UBTD1: variants seen among roughly 807,000 people sequenced by gnomAD.
UBTD1 encodes the protein ubiquitin domain-containing protein 1.
Under a neutral mutation model 21.7 loss-of-function variants are expected in UBTD1, and 19 were observed. That is an observed-to-expected ratio of 0.87 (90% CI 0.61 to 1.28). UBTD1 has a LOEUF of 1.28. Among genes scored for constraint, UBTD1 ranks in the 50% most tolerant of loss-of-function variants. UBTD1 has a pLI of 0.00. For missense variants in UBTD1, 282 were observed against 315.1 expected, an observed-to-expected ratio of 0.89 and a Z score of 0.80; for synonymous variants, 116 against 135.1, an observed-to-expected ratio of 0.86 and a Z score of 0.98.
At chr10:97,517,818 A>C (rs377607046) in intron 1 of UBTD1, among the ~76,000 whole-genome samples, 79 of 152,246 alleles carry the variant, frequency 5.2e-4, no homozygotes, top group African/African-American at 1.1e-3. Context: ...GACCAACTGC[A>C]TAGGCCTAGG....
At chr10:97,516,680 CAGG>C (rs1434293439) in intron 1 of UBTD1, among the ~76,000 whole-genome samples, 1 of 151,972 alleles carries the variant, frequency 6.6e-6, no homozygotes, top group Non-Finnish European at 1.5e-5. Context: ...GAGGCTGAAG[CAGG>C]AGAATGGCCT....
Position 97,567,949 on chromosome 10 carries a change from T to A in UBTD1, c.106T>A (p.Trp36Arg). The A allele has an allele frequency of 6.2e-7, 1 of 1,614,120 alleles. No homozygotes were observed. The highest frequency in any genetic ancestry group is 1.3e-5 in the African/African-American group (1 of 75,046). ...GCCCCTGAAGAAAGAGCGGCTTAAG[T>A]GGAAGAGCGACTACCCCATGACTGA... Reference protein sequence around the residue: ...NEPLKKERLKWKSDYPMTDGQ... With the variant: ...NEPLKKERLKRKSDYPMTDGQ... Residue 36 changes from tryptophan (W) to arginine (R), a missense_variant, in exon 2 of 3, where the codon TGG becomes AGG. Physicochemically the swap from Trp to Arg is moderately radical, Grantham distance 101 (BLOSUM62 -3). Coordinates refer to ENST00000370664, the MANE Select transcript of UBTD1 (RefSeq NM_024954.5).
intron 1 of UBTD1, among the ~76,000 whole-genome samples, chr10:97,553,999 G>A (rs1049398840): frequency 1.3e-5 from 2 of 152,214 alleles, no homozygotes; most frequent in Non-Finnish European, 2.9e-5. Context: ...TACTCTGGGG[G>A]AGCTTGAGAG....
intron 1 of UBTD1, among the ~76,000 whole-genome samples, chr10:97,553,912 T>G (rs2040652224): frequency 6.6e-6 from 1 of 152,136 alleles, no homozygotes; most frequent in African/African-American, 2.4e-5. Context: ...ACAGTAACTG[T>G]CAGTGGGAGA....
chr10:97,525,182 G>A (rs923436232), intron 1 of UBTD1, among the ~76,000 whole-genome samples: 2 of 152,248 alleles, frequency 1.3e-5, no homozygotes, highest in Non-Finnish European at 2.9e-5. Context: ...TAGGGGACCA[G>A]AAGCCAAAGA....
intron 1 of UBTD1, among the ~76,000 whole-genome samples, chr10:97,509,415 T>TGCCCACAAACAGCACGGC (rs1252809956): frequency 6.6e-6 from 1 of 152,204 alleles, no homozygotes; most frequent in Non-Finnish European, 1.5e-5. Flanking sequence ...ATCAGCACAG[T>TGCCCACAAACAGCACGGC]GCCCACACAC....
rs2040740806 is a variant in UBTD1 at position 97,570,412 on chromosome 10, G to A, written c.573G>A (p.Trp191Ter). Reference sequence around the variant, plus strand: ...GCATCGAGCCATCGTGGCAGCGGTGGTTCTTCTCCGGGAAGCTGCTCACAG... The same window carrying A: ...GCATCGAGCCATCGTGGCAGCGGTGATTCTTCTCCGGGAAGCTGCTCACAG... ...QEGIEPSWQR[W>*]FFSGKLLTDR... Residue 191 changes from tryptophan (W) to a stop codon, truncating the protein, a stop_gained, in exon 3 of 3, where the codon TGG becomes TGA. Transcript: ENST00000370664. LOFTEE classifies it high-confidence loss of function. This position sits in a 1 kb window ranked among gnomAD's most constrained non-coding sequence, Gnocchi z 6.6. 1 of 1,613,416 alleles carries A rather than the reference G, an allele frequency of 6.2e-7. No individual in the cohort carries two copies. The highest frequency in any genetic ancestry group is 8.5e-7 in the Non-Finnish European group (1 of 1,180,022).
chr10:97,537,973 G>C (rs1350301571), intron 1 of UBTD1, among the ~76,000 whole-genome samples: 1 of 151,870 alleles, frequency 6.6e-6, no homozygotes, highest in Admixed American at 6.6e-5. Context: ...CTACAGGTGT[G>C]TGCCACCACA....
In UBTD1 at chr10:97,529,354, GA is replaced by G. The variant is rs1431016211; in HGVS notation, c.70+30082del. 4.6e-5 allele frequency among the ~76,000 whole-genome samples: 7 copies of G among 152,176 alleles called. No homozygotes were observed. The South Asian group carries it at 6.2e-4, about 13-fold the overall frequency. On this transcript the variant is annotated intron_variant, in intron 1 of 2. Transcript: ENST00000370664. ...AGGCAGAGACGCTCCTCACTTCCCA[GA>G]CGGGGTAGCGGCTGGGCAGAGGCTG...
intron 1 of UBTD1, among the ~76,000 whole-genome samples, chr10:97,534,606 CA>C (rs1327104942): frequency 1.3e-5 from 2 of 150,824 alleles, no homozygotes; most frequent in Non-Finnish European, 3.0e-5. Context: ...CACACACACA[CA>C]CACACCACCC....
chr10:97,562,795 T>A (rs538987727), intron 1 of UBTD1, among the ~76,000 whole-genome samples: 2 of 152,188 alleles, frequency 1.3e-5, no homozygotes, highest in Admixed American at 1.3e-4. Flanking sequence ...TCTGGATGTA[T>A]ATATGTAGGT....
intron 1 of UBTD1, among the ~76,000 whole-genome samples, chr10:97,537,606 G>A (rs1382266773): frequency 6.6e-6 from 1 of 152,144 alleles, no homozygotes; most frequent in Admixed American, 6.5e-5. Flanking sequence ...GAGAGGGTGA[G>A]TGAGGTAAGA....
At chr10:97,515,959 G>C (rs1392607859) in intron 1 of UBTD1, among the ~76,000 whole-genome samples, 3 of 152,226 alleles carry the variant, frequency 2.0e-5, no homozygotes, top group African/African-American at 7.2e-5. Context: ...TCGAGGCTTT[G>C]ATCAGGAGCT....
rs540449467 is a variant in UBTD1 at position 97,537,650 on chromosome 10, C to T, written c.71-30264C>T. 6.6e-5 allele frequency among the ~76,000 whole-genome samples: 10 copies of T among 152,114 alleles called. No homozygotes were observed. In the South Asian group the frequency reaches 2.1e-3, roughly 32 times the overall value. ...AAGAGGGAGGAGGGTGAGGCTTGCT[C>T]CCACCTGGGCCCTCCCAGCCAGCCG... On this transcript the variant is annotated intron_variant, in intron 1 of 2. Coordinates refer to ENST00000370664, the MANE Select transcript of UBTD1 (RefSeq NM_024954.5).
intron 1 of UBTD1, among the ~76,000 whole-genome samples, chr10:97,529,399 G>C (rs533282770): frequency 6.6e-6 from 1 of 152,228 alleles, no homozygotes; most frequent in African/African-American, 2.4e-5. Flanking sequence ...GCACTTTGGG[G>C]GGCCAAGGCA....
intron 1 of UBTD1, 82 bp downstream of exon 1, chr10:97,499,355 A>C: frequency 6.9e-7 from 1 of 1,443,932 alleles, no homozygotes; most frequent in Non-Finnish European, 9.3e-7. Context: ...TTACCGATGG[A>C]CTCCCCACTG....
chr10:97,567,961 T>C lies in UBTD1; in HGVS notation c.118T>C (p.Tyr40His). ...KKERLKWKSDYPMTDGQLRSK... is the reference protein window; with the variant it reads ...KKERLKWKSDHPMTDGQLRSK... Reference sequence around the variant, plus strand: ...AGAGCGGCTTAAGTGGAAGAGCGACTACCCCATGACTGACGGGCAGCTGCG... The same window carrying C: ...AGAGCGGCTTAAGTGGAAGAGCGACCACCCCATGACTGACGGGCAGCTGCG... Residue 40 changes from tyrosine (Y) to histidine (H), a missense_variant, in exon 2 of 3, where the codon TAC (tyrosine) becomes CAC (histidine). Tyr to His is a moderately conservative substitution (Grantham distance 83). Coordinates refer to ENST00000370664, the MANE Select transcript of UBTD1 (RefSeq NM_024954.5). 6.2e-7 allele frequency: 1 copy of C among 1,614,112 alleles called. No individual in the cohort carries two copies. Among genetic ancestry groups the C allele is most frequent in the Non-Finnish European group, 8.5e-7 (1 of 1,180,024 alleles).
intron 1 of UBTD1, among the ~76,000 whole-genome samples, chr10:97,512,410 C>T (rs997881097): frequency 6.6e-6 from 1 of 152,200 alleles, no homozygotes; most frequent in African/African-American, 2.4e-5. Flanking sequence ...AGGTCTGGCT[C>T]AGTGTGATAG....
chr10:97,536,502 C>T (rs1013068348), intron 1 of UBTD1, among the ~76,000 whole-genome samples: 2 of 152,180 alleles, frequency 1.3e-5, no homozygotes, highest in South Asian at 2.1e-4. Context: ...CCCCTGCCCA[C>T]CATACTGCAG....
Sources: allele counts gnomAD v4.1 joint callset (sites outside exome capture counted in the v4.1 genomes callset), GRCh38; gene constraint gnomAD v4.1.1; non-coding constraint Gnocchi (gnomAD v3.1); transcripts MANE v1.5; gene names NCBI Gene and HGNC (gene_info 2026-07-23, HGNC 2026-07-21).